The following IQSEC1 variants were observed in gnomAD, a reference collection of about 807,000 sequenced individuals.
IQSEC1 encodes IQ motif and SEC7 domain-containing protein 1.
IQSEC1 carries 31 observed loss-of-function variants against 91.0 expected under a neutral mutation model. That is an observed-to-expected ratio of 0.34 (90% CI 0.26 to 0.46). The LOEUF (loss-of-function observed/expected upper bound fraction) is 0.46. Among genes scored for constraint, IQSEC1 ranks in the 20% least tolerant of loss-of-function variants. The probability of loss-of-function intolerance (pLI) is 1.00; values close to 1 mark genes in which losing one functional copy is unlikely to be tolerated. For synonymous variants in IQSEC1, 699 were observed against 662.6 expected (o/e 1.05, Z -0.84); for missense variants, 1,388 against 1,575.6 (o/e 0.88, Z 2.02).
rs377510362 is a variant in IQSEC1 at position 13,079,711 on chromosome 3, G to A, written c.303-32189C>T. Among the ~76,000 whole-genome samples the A allele has an allele frequency of 4.7e-4, 71 of 152,296 alleles. 1 individual carries two copies. In the South Asian group the frequency reaches 9.5e-3, roughly 20 times the overall value. ...ACACCTGAAACCTGGAGGTTATGCCGCCCATATGTCCATTTTACATGAGCC... is the reference window on the plus strand; with the variant it reads ...ACACCTGAAACCTGGAGGTTATGCCACCCATATGTCCATTTTACATGAGCC... On this transcript the variant is annotated intron_variant, in intron 2 of 15. Coordinates refer to the IQSEC1 transcript ENST00000648114.
At chr3:12,978,173 G>A (rs1025625019) in intron 1 of IQSEC1, among the ~76,000 whole-genome samples, 2 of 152,210 alleles carry the variant, frequency 1.3e-5, no homozygotes, top group African/African-American at 2.4e-5. Flanking sequence ...ATTTATCACA[G>A]AGGCCTTGAA....
chr3:13,012,574 A>T (rs1443966609), intron 1 of IQSEC1, among the ~76,000 whole-genome samples: 3 of 152,226 alleles, frequency 2.0e-5, no homozygotes, highest in Non-Finnish European at 4.4e-5. Context: ...GGCCTGTCAC[A>T]GGGCTGGTGA....
At position 12,970,134 on chromosome 3, in the gene IQSEC1, G is replaced by A. The variant is rs1700822032; in HGVS notation, c.24-28269C>T. On this transcript the variant is annotated intron_variant, in intron 1 of 13. Coordinates refer to ENST00000613206, the MANE Select transcript of IQSEC1 (RefSeq NM_001134382.3). This position sits in a 1 kb window ranked among gnomAD's most constrained non-coding sequence, Gnocchi z 4.4. ...ACCTCTACCCCAGCTAATTCACCTT[G>A]CTGTTTAATTTAATTTAGCAAGCAT... Among the ~76,000 whole-genome samples, 1 of 152,222 alleles carries A rather than the reference G, an allele frequency of 6.6e-6. No homozygotes were observed. Among genetic ancestry groups the A allele is most frequent in the Non-Finnish European group, 1.5e-5 (1 of 68,044 alleles).
intron 2 of IQSEC1, among the ~76,000 whole-genome samples, chr3:13,158,638 T>C (rs528395288): frequency 1.2e-4 from 19 of 152,240 alleles, no homozygotes; most frequent in African/African-American, 4.1e-4. Flanking sequence ...TTCAGAGTCC[T>C]GACGGGGAGG....
rs67654914 is a variant in IQSEC1, at chr3:13,137,950, A to G, written c.302+26154T>C. On this transcript the variant is annotated intron_variant, in intron 2 of 15. Coordinates refer to the IQSEC1 transcript ENST00000648114. ...CGGTATCTGACCACTAGACAGACCC[A>G]GTATGTGTGAATTCTGTCACTCGCA... is the stretch of plus-strand genomic sequence containing the variant. Among the ~76,000 whole-genome samples, 353 of 152,378 alleles carry G rather than the reference A, an allele frequency of 2.3e-3. 2 individuals carry two copies. The highest frequency in any genetic ancestry group is 7.8e-3 in the African/African-American group (325 of 41,592).
chr3:12,919,407 G>A (rs1696405090), intron 6 of IQSEC1, among the ~76,000 whole-genome samples: 1 of 152,226 alleles, frequency 6.6e-6, no homozygotes, highest in Admixed American at 6.5e-5. Context: ...TAGCTCAGGT[G>A]CCATCTCCCT....
intron 1 of IQSEC1, among the ~76,000 whole-genome samples, chr3:12,957,426 C>T (rs1699978823): frequency 6.6e-6 from 1 of 152,264 alleles, no homozygotes; most frequent in African/African-American, 2.4e-5. Flanking sequence ...TCAGAATATA[C>T]ACACGCACAG....
intron 1 of IQSEC1, among the ~76,000 whole-genome samples, chr3:13,215,930 G>A (rs963676738): frequency 1.3e-5 from 2 of 152,194 alleles, no homozygotes; most frequent in Admixed American, 6.5e-5. Flanking sequence ...GACCAGGCCC[G>A]GGGCTTCCAA....
At chr3:13,228,599 T>A (rs2125085840) in intron 1 of IQSEC1, among the ~76,000 whole-genome samples, 1 of 152,350 alleles carries the variant, frequency 6.6e-6, no homozygotes, top group South Asian at 2.1e-4. Context: ...TACCTTAAAA[T>A]TTTTTGAAAT....
At chr3:13,072,229 C>G (rs78333243) in intron 1 of IQSEC1, among the ~76,000 whole-genome samples, 1,996 of 152,350 alleles carry the variant, frequency 0.013, 42 homozygotes, top group African/African-American at 0.044. Flanking sequence ...GGGCCTCAAC[C>G]CCCGCAGCCG....
At chr3:13,182,473 T>C (rs1693861775) in intron 1 of IQSEC1, among the ~76,000 whole-genome samples, 1 of 152,238 alleles carries the variant, frequency 6.6e-6, no homozygotes, top group Non-Finnish European at 1.5e-5. Flanking sequence ...CGATAGATGA[T>C]GGCTATATGG....
chr3:13,229,076 A>G (rs2125086440), intron 1 of IQSEC1, among the ~76,000 whole-genome samples: 1 of 152,290 alleles, frequency 6.6e-6, no homozygotes, highest in Middle Eastern at 3.4e-3. Context: ...GGCTGGCACC[A>G]CTGGCATACA....
intron 1 of IQSEC1, among the ~76,000 whole-genome samples, chr3:13,011,813 CAT>C (rs761386001): frequency 3.9e-5 from 6 of 152,220 alleles, no homozygotes; most frequent in Non-Finnish European, 8.8e-5. Flanking sequence ...TGTTTCAACA[CAT>C]GATTGTTTTG....
At chr3:13,239,805 G>C (rs76919469) in intron 1 of IQSEC1, among the ~76,000 whole-genome samples, 1 of 152,230 alleles carries the variant, frequency 6.6e-6, no homozygotes, top group East Asian at 1.9e-4. Flanking sequence ...GCAGGACCAC[G>C]TTGCGAAGAG....
At chr3:13,030,470 T>G (rs559046574) in intron 1 of IQSEC1, among the ~76,000 whole-genome samples, 1 of 152,310 alleles carries the variant, frequency 6.6e-6, no homozygotes, top group East Asian at 1.9e-4. Context: ...TCTTTTAAAA[T>G]CAACTGGCTT....
chr3:12,977,788 C>T (rs2096284721), intron 1 of IQSEC1, among the ~76,000 whole-genome samples: 1 of 152,244 alleles, frequency 6.6e-6, no homozygotes, highest in Non-Finnish European at 1.5e-5. Flanking sequence ...GTTAAACATC[C>T]CTTTTTGCAG....
At chr3:13,061,753 A>G (rs1366226812) in intron 1 of IQSEC1, among the ~76,000 whole-genome samples, 1 of 151,832 alleles carries the variant, frequency 6.6e-6, no homozygotes, top group East Asian at 1.9e-4. Context: ...CTCTCCTCTA[A>G]CTCCAAGCAA....
chr3:13,097,743 AT>A (rs113924128), intron 2 of IQSEC1, among the ~76,000 whole-genome samples: 15 of 150,714 alleles, frequency 1.0e-4, no homozygotes, highest in East Asian at 1.9e-4. Context: ...AGGGCTGAAC[AT>A]TTTTTTTTTC....
intron 2 of IQSEC1, among the ~76,000 whole-genome samples, chr3:13,163,131 G>A (rs1212845295): frequency 2.0e-5 from 3 of 152,134 alleles, no homozygotes; most frequent in Admixed American, 1.3e-4. Context: ...GCACATAGCC[G>A]ACTGCCCCAA....
Sources: allele counts gnomAD v4.1 joint callset (sites outside exome capture counted in the v4.1 genomes callset), GRCh38; gene constraint gnomAD v4.1.1; non-coding constraint Gnocchi (gnomAD v3.1); transcripts MANE v1.5; gene names NCBI Gene and HGNC (gene_info 2026-07-23, HGNC 2026-07-21).